Variants in CAMK1D observed in about 807,000 individuals in gnomAD.
CAMK1D encodes calcium/calmodulin dependent protein kinase ID.
Under a neutral mutation model 47.7 loss-of-function variants are expected in CAMK1D, and 9 were observed. That is an observed-to-expected ratio of 0.19 (90% CI 0.11 to 0.33). CAMK1D has a LOEUF of 0.33. CAMK1D is among the 10% of genes least tolerant of loss of function. CAMK1D has a pLI of 1.00. For synonymous variants in CAMK1D, 184 were observed against 184.9 expected, an observed-to-expected ratio of 0.99 and a Z score of 0.04; for missense variants, 291 against 488.7, an observed-to-expected ratio of 0.60 and a Z score of 3.81.
intron 1 of CAMK1D, among the ~76,000 whole-genome samples, chr10:12,453,812 T>G (rs1463710254): frequency 6.6e-6 from 1 of 152,238 alleles, no homozygotes; most frequent in Non-Finnish European, 1.5e-5. Context: ...TTGCCTGTTT[T>G]GTTCTGAGTT....
chr10:12,784,618 A>G (rs958666763), intron 5 of CAMK1D, among the ~76,000 whole-genome samples: 3 of 152,226 alleles, frequency 2.0e-5, no homozygotes, highest in African/African-American at 2.4e-5. Context: ...GTTCATGGAA[A>G]GGTATTTAGC....
chr10:12,696,128 C>A (rs566258680), intron 3 of CAMK1D, among the ~76,000 whole-genome samples: 1 of 152,050 alleles, frequency 6.6e-6, no homozygotes, highest in African/African-American at 2.4e-5. Flanking sequence ...TATTATTTGA[C>A]CTCTTTGGAA....
chr10:12,751,554 A>G (rs1437040347), intron 3 of CAMK1D, among the ~76,000 whole-genome samples: 2 of 152,172 alleles, frequency 1.3e-5, no homozygotes, highest in Non-Finnish European at 2.9e-5. Context: ...ATAGGGTGGG[A>G]CAGGAGGAGG....
chr10:12,723,060 A>G (rs1834467227), intron 3 of CAMK1D, among the ~76,000 whole-genome samples: 1 of 152,194 alleles, frequency 6.6e-6, no homozygotes, highest in Non-Finnish European at 1.5e-5. Flanking sequence ...TGTGAACACC[A>G]CATGGGGAAA....
intron 2 of CAMK1D, among the ~76,000 whole-genome samples, chr10:12,613,700 G>A (rs747928700): frequency 1.3e-5 from 2 of 152,088 alleles, no homozygotes; most frequent in Admixed American, 1.3e-4. Flanking sequence ...GGCTGGTCTC[G>A]CACTCCTGAC....
At chr10:12,734,381 TATAG>T (rs1289797969) in intron 3 of CAMK1D, among the ~76,000 whole-genome samples, 5 of 2,156 alleles carry the variant, frequency 2.3e-3, no homozygotes, top group African/African-American at 3.2e-3. Context: ...TATATATAGA[TATAG>T]ATATAGATAT....
At chr10:12,574,561 AC>A (rs1239104276) in intron 2 of CAMK1D, among the ~76,000 whole-genome samples, 1 of 129,538 alleles carries the variant, frequency 7.7e-6, no homozygotes, top group African/African-American at 3.0e-5. Context: ...CAAGTGATCC[AC>A]CCACCTTGGC....
At chr10:12,732,420 C>T (rs941266178) in intron 3 of CAMK1D, among the ~76,000 whole-genome samples, 10 of 152,184 alleles carry the variant, frequency 6.6e-5, no homozygotes, top group South Asian at 2.1e-4. Context: ...TCCATTTTCA[C>T]GCTGCTGATA....
chr10:12,570,836 C>T (rs1383299008), intron 2 of CAMK1D, among the ~76,000 whole-genome samples: 1 of 152,014 alleles, frequency 6.6e-6, no homozygotes, highest in African/African-American at 2.4e-5. Flanking sequence ...CTGTGCTTCC[C>T]AGCTACTCAG....
At chr10:12,686,352 G>T (rs181518199) in intron 3 of CAMK1D, among the ~76,000 whole-genome samples, 1 of 151,814 alleles carries the variant, frequency 6.6e-6, no homozygotes, top group African/African-American at 2.4e-5. Flanking sequence ...ATGGAGTTTC[G>T]CTCCTGTTGC....
chr10:12,491,179 A>C (rs553520890), intron 1 of CAMK1D, among the ~76,000 whole-genome samples: 7 of 151,146 alleles, frequency 4.6e-5, no homozygotes, highest in Admixed American at 2.6e-4. Flanking sequence ...GTCTGCGTGC[A>C]TGTGTGTGCA....
intron 1 of CAMK1D, among the ~76,000 whole-genome samples, chr10:12,430,609 C>T (rs1408882379): frequency 1.3e-5 from 2 of 152,210 alleles, no homozygotes; most frequent in Non-Finnish European, 2.9e-5. Flanking sequence ...GACAGCTGCC[C>T]AGGCTGTGAA....
chr10:12,805,318 G>T (rs987464111), intron 6 of CAMK1D, among the ~76,000 whole-genome samples: 5 of 151,018 alleles, frequency 3.3e-5, no homozygotes, highest in Non-Finnish European at 7.4e-5. Context: ...ACCAAGGTGG[G>T]AAGGTAAACA....
At chr10:12,546,821 T>A (rs1321374649) in intron 1 of CAMK1D, among the ~76,000 whole-genome samples, 1 of 63,432 alleles carries the variant, frequency 1.6e-5, no homozygotes, top group Non-Finnish European at 3.0e-5. Flanking sequence ...GGGGTGGGGG[T>A]GGGGGAGGGA....
chr10:12,763,664 C>CA (rs1836609175), intron 4 of CAMK1D, among the ~76,000 whole-genome samples: 2 of 151,956 alleles, frequency 1.3e-5, no homozygotes, highest in Non-Finnish European at 2.9e-5. Context: ...GATATCCATC[C>CA]GCTGGGGGGC....
chr10:12,451,886 C>T (rs548926992), intron 1 of CAMK1D, among the ~76,000 whole-genome samples: 1 of 152,146 alleles, frequency 6.6e-6, no homozygotes, highest in African/African-American at 2.4e-5. Context: ...GGGGGCTACT[C>T]TGGCCGATGG....
intron 1 of CAMK1D, among the ~76,000 whole-genome samples, chr10:12,406,152 A>G (rs11257774): frequency 0.19 from 28,244 of 152,076 alleles, 2,811 homozygotes; most frequent in Middle Eastern, 0.29. Context: ...TTGGCACCAC[A>G]GCCAAGATGA....
At chr10:12,695,593 G>T (rs1833258279) in intron 3 of CAMK1D, among the ~76,000 whole-genome samples, 1 of 152,178 alleles carries the variant, frequency 6.6e-6, no homozygotes, top group African/African-American at 2.4e-5. Context: ...AGGGTGTGGT[G>T]CTGTAGTCAC....
intron 2 of CAMK1D, among the ~76,000 whole-genome samples, chr10:12,596,367 G>A (rs182497818): frequency 2.0e-5 from 3 of 152,218 alleles, no homozygotes; most frequent in Admixed American, 1.3e-4. Context: ...CCAGCTAGCG[G>A]TTTGCCTTAT....
Sources: gnomAD v4.1 joint callset for allele counts (sites outside exome capture counted in the v4.1 genomes callset) on GRCh38, gnomAD v4.1.1 for gene constraint, MANE v1.5 for transcripts, NCBI Gene and HGNC (gene_info 2026-07-23, HGNC 2026-07-21) for gene names.